The following ROBO2 variants were observed in gnomAD, a reference collection of about 807,000 sequenced individuals.
ROBO2 encodes roundabout homolog 2.
ROBO2 carries 53 observed loss-of-function variants against 160.8 expected under a neutral mutation model. The observed-to-expected ratio is 0.33, with a 90% CI of 0.26 to 0.41. ROBO2 has a LOEUF of 0.41. ROBO2 is among the 10% of genes least tolerant of loss of function. The pLI, the probability that ROBO2 is intolerant of heterozygous loss-of-function variation, is 1.00. For synonymous variants in ROBO2, 664 were observed against 611.7 expected (o/e 1.09, Z -1.26); for missense variants, 1,577 against 1,722.4 (o/e 0.92, Z 1.49).
intron 1 of ROBO2, among the ~76,000 whole-genome samples, chr3:77,067,827 C>G (rs1413075374): frequency 1.3e-5 from 2 of 152,094 alleles, no homozygotes; most frequent in African/African-American, 4.8e-5. Context: ...GTACTGTTTT[C>G]TTTCAAAGCT....
intron 2 of ROBO2, among the ~76,000 whole-genome samples, chr3:77,331,765 G>A (rs999968483): frequency 2.6e-5 from 4 of 151,936 alleles, no homozygotes; most frequent in Admixed American, 6.6e-5. Context: ...GTGCAGTGGC[G>A]CGATATGTCG....
chr3:75,950,843 C>A (rs1480008483), intron 2 of ROBO2, among the ~76,000 whole-genome samples: 3 of 152,144 alleles, frequency 2.0e-5, no homozygotes, highest in African/African-American at 7.2e-5. Flanking sequence ...AATGCTATGG[C>A]GTCCTGTCCA....
intron 2 of ROBO2, among the ~76,000 whole-genome samples, chr3:76,630,354 C>G (rs2089956146): frequency 6.9e-6 from 1 of 144,902 alleles, no homozygotes; most frequent in Non-Finnish European, 1.5e-5. Context: ...CACTCAGGAA[C>G]TTGAACTGGA....
At chr3:76,606,074 G>A (rs1040992638) in intron 2 of ROBO2, among the ~76,000 whole-genome samples, 2 of 151,966 alleles carry the variant, frequency 1.3e-5, no homozygotes, top group African/African-American at 4.8e-5. Flanking sequence ...GTGCCTTATG[G>A]TAAATTGTAG....
chr3:77,563,320 A>T (rs1210636455), exon 11 of ROBO2: 2 of 1,613,296 alleles, frequency 1.2e-6, no homozygotes, highest in Non-Finnish European at 1.7e-6. Context: ...TATATCATTG[A>T]GGCTTTCAGG....
At chr3:75,993,808 C>T (rs189258950) in intron 2 of ROBO2, among the ~76,000 whole-genome samples, 2 of 152,260 alleles carry the variant, frequency 1.3e-5, no homozygotes, top group Non-Finnish European at 2.9e-5. Flanking sequence ...CAAAAACATA[C>T]AGGCTTCCAG....
chr3:76,181,645 C>T lies in ROBO2; in HGVS notation c.109+244043C>T, dbSNP rs186880965. Among the ~76,000 whole-genome samples the T allele has an allele frequency of 4.5e-3, 689 of 152,248 alleles. 3 individuals are homozygous for T. Among genetic ancestry groups the T allele is most frequent in the Non-Finnish European group, 6.5e-3 (441 of 68,006 alleles). Reference sequence around the variant, plus strand: ...CTTTCAAATAATTACTAAGATTCCACTGCACTATTTAGAAAAGGTTAAAAA... The same window carrying T: ...CTTTCAAATAATTACTAAGATTCCATTGCACTATTTAGAAAAGGTTAAAAA... On this transcript the variant is annotated intron_variant, in intron 2 of 26. Transcript: ENST00000487694.
intron 2 of ROBO2, among the ~76,000 whole-genome samples, chr3:77,341,204 G>A (rs80123962): frequency 0.031 from 4,654 of 152,018 alleles, 245 homozygotes; most frequent in African/African-American, 0.1. Context: ...CAAGTTTGCC[G>A]ATTCCATTGT....
chr3:76,674,681 A>G (rs1027407689), intron 2 of ROBO2, among the ~76,000 whole-genome samples: 1 of 151,978 alleles, frequency 6.6e-6, no homozygotes, highest in South Asian at 2.1e-4. Context: ...AGTGCTTCTC[A>G]AACTTTAATG....
At chr3:77,523,723 G>A (rs2090850992) in intron 6 of ROBO2, among the ~76,000 whole-genome samples, 1 of 151,072 alleles carries the variant, frequency 6.6e-6, no homozygotes, top group Admixed American at 6.6e-5. Context: ...ATTAGCCATG[G>A]CATCATCTAC....
intron 2 of ROBO2, among the ~76,000 whole-genome samples, chr3:76,419,852 TGAA>T (rs2075916301): frequency 1.3e-5 from 2 of 152,202 alleles, no homozygotes; most frequent in Non-Finnish European, 2.9e-5. Context: ...ATATTCAATG[TGAA>T]GCAACTAACT....
At chr3:76,161,275 G>C (rs2072624932) in intron 2 of ROBO2, among the ~76,000 whole-genome samples, 1 of 152,040 alleles carries the variant, frequency 6.6e-6, no homozygotes, top group Non-Finnish European at 1.5e-5. Context: ...TTTGATCCCT[G>C]TGAAGGAAAA....
chr3:76,416,036 C>T (rs186182618), intron 2 of ROBO2, among the ~76,000 whole-genome samples: 2 of 152,264 alleles, frequency 1.3e-5, no homozygotes, highest in East Asian at 3.9e-4. Context: ...GATCCGTGAA[C>T]TTTCCCTTAA....
chr3:77,239,389 T>C (rs1179757920), intron 2 of ROBO2, among the ~76,000 whole-genome samples: 1 of 152,162 alleles, frequency 6.6e-6, no homozygotes, highest in Non-Finnish European at 1.5e-5. Context: ...GGAGTGAAGC[T>C]GCAGACCTTT....
intron 2 of ROBO2, among the ~76,000 whole-genome samples, chr3:76,796,675 C>G (rs1406609950): frequency 6.6e-6 from 1 of 152,024 alleles, no homozygotes; most frequent in Admixed American, 6.6e-5. Context: ...GGTTAAAAAA[C>G]AAGACCCAAC....
At chr3:76,148,617 C>A (rs1303393861) in intron 2 of ROBO2, among the ~76,000 whole-genome samples, 2 of 152,086 alleles carry the variant, frequency 1.3e-5, no homozygotes, top group African/African-American at 4.8e-5. Context: ...TCATTAAGAA[C>A]CTCCATCTTG....
At chr3:77,298,917 T>G (rs919665431) in intron 2 of ROBO2, among the ~76,000 whole-genome samples, 1 of 152,144 alleles carries the variant, frequency 6.6e-6, no homozygotes, top group Non-Finnish European at 1.5e-5. Context: ...AAAAGTGTCG[T>G]GAGATCTGGA....
At chr3:76,813,493 C>T (rs2065380989) in intron 2 of ROBO2, among the ~76,000 whole-genome samples, 1 of 151,980 alleles carries the variant, frequency 6.6e-6, no homozygotes, top group Non-Finnish European at 1.5e-5. Flanking sequence ...AAATATGCTG[C>T]CTTTTTGCTT....
intron 2 of ROBO2, among the ~76,000 whole-genome samples, chr3:76,641,648 G>A (rs779430649): frequency 5.3e-5 from 8 of 152,142 alleles, no homozygotes; most frequent in Admixed American, 1.3e-4. Context: ...CACAAAGCTG[G>A]TGAACTTCTA....
Sources: gnomAD v4.1 joint callset for allele counts (sites outside exome capture counted in the v4.1 genomes callset) on GRCh38, gnomAD v4.1.1 for gene constraint, MANE v1.5 for transcripts, NCBI Gene and HGNC (gene_info 2026-07-23, HGNC 2026-07-21) for gene names.